The following NELL2 variants were observed in gnomAD, a reference collection of about 807,000 sequenced individuals.
NELL2 encodes protein kinase C-binding protein NELL2.
Under a neutral mutation model 109.6 loss-of-function variants are expected in NELL2, and 41 were observed. The observed-to-expected ratio is 0.37, with a 90% confidence interval of 0.29 to 0.49. The LOEUF (loss-of-function observed/expected upper bound fraction) is 0.49. NELL2 is among the 20% of genes least tolerant of loss of function. NELL2 has a pLI of 0.98. For missense variants in NELL2, 900 were observed against 1,008.3 expected (o/e 0.89, Z 1.45); for synonymous variants, 355 against 344.7 (o/e 1.03, Z -0.33).
chr12:44,807,391 C>CA (rs770855791), intron 3 of NELL2, among the ~76,000 whole-genome samples: 2 of 148,402 alleles, frequency 1.3e-5, no homozygotes, highest in Non-Finnish European at 3.0e-5. Flanking sequence ...ACCAATGACT[C>CA]AAAAAAAAAT....
Position 44,667,747 on chromosome 12 carries a change from A to G in NELL2, c.1319-2138T>C, listed in dbSNP as rs118066158. ...GAACCTCTGAGGCATGGGAGAGAGA[A>G]GTGAAGCAGTTGGCCCAGGCAAGAT... On this transcript the variant is annotated intron_variant, in intron 12 of 19. Coordinates refer to ENST00000429094, the MANE Select transcript of NELL2 (RefSeq NM_001145108.2). Among the ~76,000 whole-genome samples the G allele has an allele frequency of 1.2e-3, 185 of 152,302 alleles. 3 individuals carry two copies. The East Asian group carries it at 0.026, about 22-fold the overall frequency.
chr12:44,643,500 G>GA (rs973425350), intron 13 of NELL2, among the ~76,000 whole-genome samples: 6 of 151,664 alleles, frequency 4.0e-5, no homozygotes, highest in Non-Finnish European at 7.4e-5. Flanking sequence ...CTTCCAAAGG[G>GA]AAAAAAAAGA....
At chr12:44,873,995 A>T (rs905705167) in intron 2 of NELL2, among the ~76,000 whole-genome samples, 1 of 152,164 alleles carries the variant, frequency 6.6e-6, no homozygotes, top group Non-Finnish European at 1.5e-5. Context: ...TTGCATTTTA[A>T]TTTTTTATAA....
intron 1 of NELL2, among the ~76,000 whole-genome samples, chr12:44,901,822 G>T (rs2136881818): frequency 6.6e-6 from 1 of 152,268 alleles, no homozygotes. Flanking sequence ...CTCAATAGAT[G>T]CAGAAAAGGC....
intron 13 of NELL2, among the ~76,000 whole-genome samples, chr12:44,619,640 G>A (rs892797094): frequency 6.6e-6 from 1 of 152,038 alleles, no homozygotes; most frequent in Non-Finnish European, 1.5e-5. Flanking sequence ...CGGCGGAAGA[G>A]GAGGAGAAGG....
chr12:44,517,313 A>G (rs971962496), intron 19 of NELL2, among the ~76,000 whole-genome samples: 2 of 151,516 alleles, frequency 1.3e-5, no homozygotes, highest in African/African-American at 4.8e-5. Flanking sequence ...TCAAGTTTGT[A>G]GTTTTTGATA....
upstream of NELL2, among the ~76,000 whole-genome samples, chr12:44,919,114 C>A (rs1351735788): frequency 1.3e-5 from 2 of 152,156 alleles, no homozygotes; most frequent in Admixed American, 6.6e-5. Flanking sequence ...TTTGTCTAAG[C>A]CCTTTTTGGG....
At chr12:44,596,648 T>C (rs1944976636) in intron 15 of NELL2, among the ~76,000 whole-genome samples, 1 of 152,198 alleles carries the variant, frequency 6.6e-6, no homozygotes, top group South Asian at 2.1e-4. Context: ...TTGCCCAGGC[T>C]GGTCTTGAAC....
intron 9 of NELL2, among the ~76,000 whole-genome samples, chr12:44,764,179 C>A (rs531147105): frequency 6.6e-6 from 1 of 152,296 alleles, no homozygotes; most frequent in South Asian, 2.1e-4. Context: ...AGTTAATAAT[C>A]AAGGTAGGTC....
intron 14 of NELL2, 105 bp from the exon 15 acceptor site, chr12:44,607,369 A>G: frequency 1.3e-6 from 1 of 754,950 alleles, no homozygotes. Context: ...ACATCAAATT[A>G]TAAAAGCTAT....
At chr12:44,858,385 T>C (rs974224247) in intron 2 of NELL2, among the ~76,000 whole-genome samples, 15 of 152,326 alleles carry the variant, frequency 9.8e-5, no homozygotes, top group African/African-American at 2.9e-4. Context: ...ATTTCCTTTG[T>C]AGGGAGAGAC....
rs112973853 is a variant in NELL2 at position 44,665,730 on chromosome 12, C to A, written c.1319-121G>T. 3.5e-4 allele frequency: 390 copies of A among 1,113,250 alleles called. 1 individual carries two copies. Among genetic ancestry groups the A allele is most frequent in the Admixed American group, 2.1e-3 (77 of 36,030 alleles). The allele number at this position is 1,113,250 out of a possible 1,614,324, so 69.0% of individuals were successfully genotyped here. On this transcript the variant is annotated intron_variant, in intron 12 of 19. Coordinates refer to ENST00000429094, the MANE Select transcript of NELL2 (RefSeq NM_001145108.2). ...ATGAATAGCATTTCAGAAAAGCATT[C>A]ATGATATCTCCTTTGCTAGGAGTGT...
rs1235225346 is a variant in NELL2, at chr12:44,776,056, G to A, written c.857C>T (p.Ser286Phe). ...GCAGTTCTTACAGCCGTCTATCCAG[G>A]ACTCAAATTCTCGGTAGGTGGTTCC... ...MKGTTYREFE[S>F]WIDGCKNCTC... The change falls in exon 8 of 20, where the codon TCC (serine) becomes TTC (phenylalanine). Residue 286 changes from serine to phenylalanine, a missense_variant. By Grantham distance (155) the Ser-to-Phe change is radical (BLOSUM62 -2). Around this residue, in one of 4 missense-constraint regions of NELL2, gnomAD observed 292 missense variants for 265.3 expected, o/e 1.10. Coordinates refer to ENST00000429094, the MANE Select transcript of NELL2 (RefSeq NM_001145108.2). 2.5e-6 allele frequency: 4 copies of A among 1,613,814 alleles called. No individual in the cohort carries two copies. The highest frequency in any genetic ancestry group is 4.5e-5 in the East Asian group (2 of 44,864).
intron 9 of NELL2, among the ~76,000 whole-genome samples, chr12:44,768,063 C>A (rs1941404477): frequency 1.3e-5 from 2 of 152,166 alleles, no homozygotes; most frequent in African/African-American, 4.8e-5. Context: ...ATTGTAATCA[C>A]TCTGTGATTC....
chr12:44,627,013 C>T (rs1194478184), intron 13 of NELL2, among the ~76,000 whole-genome samples: 1 of 152,058 alleles, frequency 6.6e-6, no homozygotes, highest in Non-Finnish European at 1.5e-5. Context: ...TTGCAAATCC[C>T]AGAACGTGAA....
Position 44,777,660 on chromosome 12 carries a change from T to C in NELL2, c.607-346A>G, listed in dbSNP as rs183521864. 2.0e-5 allele frequency among the ~76,000 whole-genome samples: 3 copies of C among 152,344 alleles called. No individual in the cohort carries two copies. The East Asian group carries it at 5.8e-4, about 29-fold the overall frequency. On this transcript the variant is annotated intron_variant, in intron 5 of 19. Transcript: ENST00000429094. ...TTTAAAAAAATCAACCTGATAATAA[T>C]TTCTAGCTTCAGCAACTCTGAAATT...
rs199661897 is a variant in NELL2 at position 44,821,885 on chromosome 12, T to TTTTATTTA, written c.185-5757_185-5750dup. On this transcript the variant is annotated intron_variant, in intron 2 of 19. Transcript: ENST00000429094. The stretch of plus-strand genomic sequence containing the variant: ...AGTGTGCACCACCACGCCCGGCTGG[T>TTTTATTTA]TTTATTTATTTATTTATTTATTTAT... 6.2e-3 allele frequency among the ~76,000 whole-genome samples: 878 copies of TTTTATTTA among 141,314 alleles called. 5 individuals carry two copies. The highest frequency in any genetic ancestry group is 0.012 in the South Asian group (52 of 4,318). 92.7% of individuals were successfully genotyped at this position (141,314 alleles called of 152,430 possible).
intron 10 of NELL2, 91 bp downstream of exon 10, chr12:44,714,559 A>C: frequency 1.4e-6 from 1 of 708,962 alleles, no homozygotes; most frequent in Admixed American, 3.3e-5. Context: ...TAGAATTTCA[A>C]AAATGTATTT....
intron 2 of NELL2, among the ~76,000 whole-genome samples, chr12:44,820,307 T>C (rs1307269898): frequency 6.6e-6 from 1 of 152,026 alleles, no homozygotes; most frequent in Non-Finnish European, 1.5e-5. Context: ...ATTCAGGATA[T>C]ACGTAAAAAG....
Sources: allele counts gnomAD v4.1 joint callset (sites outside exome capture counted in the v4.1 genomes callset), GRCh38; gene constraint gnomAD v4.1.1; regional missense constraint gnomAD v4.1.1; transcripts MANE v1.5; gene names NCBI Gene and HGNC (gene_info 2026-07-23, HGNC 2026-07-21).